TOMM40: variants seen among roughly 807,000 people sequenced by gnomAD.
TOMM40 encodes the protein mitochondrial import receptor subunit TOM40 homolog.
Under a neutral mutation model 38.4 loss-of-function variants are expected in TOMM40, and 9 were observed. The ratio of observed to expected loss-of-function variants is 0.23; its 90% CI spans 0.14 to 0.41. TOMM40 has a LOEUF of 0.41. Among genes scored for constraint, TOMM40 ranks in the 10% least tolerant of loss-of-function variants. The probability of loss-of-function intolerance (pLI) is 1.00; values close to 1 mark genes in which losing one functional copy is unlikely to be tolerated. For synonymous variants in TOMM40, 184 were observed against 210.0 expected (o/e 0.88, Z 1.07); for missense variants, 299 against 486.5 (o/e 0.61, Z 3.63).
chr19:44,891,764 G>A, intron 1 of TOMM40, 75 bp downstream of exon 1: 3 of 1,324,398 alleles, frequency 2.3e-6, no homozygotes, highest in Middle Eastern at 2.8e-4. Flanking sequence ...TGGGGACTCT[G>A]GGATTTGGCG....
chr19:44,892,764 G>A, intron 2 of TOMM40, 73 bp from the exon 3 acceptor site: 2 of 1,282,896 alleles, frequency 1.6e-6, no homozygotes, highest in Non-Finnish European at 1.1e-6. Flanking sequence ...CCAGCCCAGA[G>A]ACCTTGTCCT....
chr19:44,900,871 T>C lies in TOMM40; in HGVS notation c.766+19T>C. ...TACACATGTGAGCCTGGCGCCTGGG[T>C]CCGAGGGTGGAGGGGCTGGGCCCCT... On this transcript the variant is annotated intron_variant, in intron 6 of 8. Coordinates refer to ENST00000426677, the MANE Select transcript of TOMM40 (RefSeq NM_001128917.2). 2 of 1,613,008 alleles carry C rather than the reference T, an allele frequency of 1.2e-6. No individual in the cohort carries two copies. Among genetic ancestry groups the C allele is most frequent in the Non-Finnish European group, 1.7e-6 (2 of 1,179,450 alleles).
chr19:44,897,226 C>CT (rs747645073), intron 5 of TOMM40, among the ~76,000 whole-genome samples: 3 of 151,528 alleles, frequency 2.0e-5, no homozygotes, highest in Non-Finnish European at 4.4e-5. Flanking sequence ...GGTAGAGAAA[C>CT]TGGGGGGGTG....
chr19:44,894,408 T>A (rs1969527578), intron 5 of TOMM40, among the ~76,000 whole-genome samples: 1 of 151,994 alleles, frequency 6.6e-6, no homozygotes, highest in Non-Finnish European at 1.5e-5. Flanking sequence ...ATTACAGGCA[T>A]GCGCTACCAC....
intron 2 of TOMM40, 61 bp downstream of exon 2, chr19:44,892,521 C>T (rs12611167): frequency 4.0e-6 from 6 of 1,504,606 alleles, no homozygotes; most frequent in Non-Finnish European, 5.5e-6. Flanking sequence ...CTCCCTGCAT[C>T]TGCACACTCG....
intron 5 of TOMM40, among the ~76,000 whole-genome samples, chr19:44,894,468 G>A (rs1969529143): frequency 6.6e-6 from 1 of 152,018 alleles, no homozygotes; most frequent in African/African-American, 2.4e-5. Flanking sequence ...CACCACATTG[G>A]TCAGGCTGGT....
intron 8 of TOMM40, chr19:44,901,643 G>T (rs1489024224): frequency 2.2e-6 from 1 of 455,820 alleles, no homozygotes; most frequent in East Asian, 3.7e-5. Flanking sequence ...AGGCTGAGGC[G>T]GGAAAATGGT....
At chr19:44,901,177 T>TCACCCGG in intron 7 of TOMM40, 31 bp from the exon 8 acceptor site, 1 of 1,613,920 alleles carries the variant, frequency 6.2e-7, no homozygotes, top group South Asian at 1.1e-5. Context: ...GGCCACTTGC[T>TCACCCGG]AATTCTCATG....
chr19:44,891,564 C>G lies in TOMM40; in HGVS notation c.149C>G (p.Thr50Arg). 1.4e-6 allele frequency: 2 copies of G among 1,441,298 alleles called. No homozygotes were observed. The allele number at this position is 1,441,298 out of a possible 1,614,324, so 89.3% of individuals were successfully genotyped here. A position where few individuals can be genotyped will look rare whatever the true frequency, so the allele number is the denominator to read the frequency against. The change falls in exon 1 of 9, where the codon ACG (threonine) becomes AGG (arginine). Residue 50 changes from threonine to arginine, a missense_variant. Transcript: ENST00000426677. ...GGCAGCCTGGGCGCCGGCACCAGTA[C>G]GAGTCGAAGTTCGGAACGGACCCCC... is the stretch of plus-strand genomic sequence containing the variant. ...LGGSLGAGTS[T>R]SRSSERTPGA...
rs1434731720 is a variant in TOMM40 at position 44,892,423 on chromosome 19, A to C, written c.305A>C (p.Lys102Thr). 1 of 1,613,450 alleles carries C rather than the reference A, an allele frequency of 6.2e-7. No homozygotes were observed. Among genetic ancestry groups the C allele is most frequent in the Non-Finnish European group, 8.5e-7 (1 of 1,180,026 alleles). The change falls in exon 2 of 9, where the codon AAG becomes ACG. Residue 102 changes from lysine to threonine, a missense_variant. Coordinates refer to ENST00000426677, the MANE Select transcript of TOMM40 (RefSeq NM_001128917.2). Reference protein sequence around the residue: ...ELFPIQMEGVKLTVNKGLSNH... With the variant: ...ELFPIQMEGVTLTVNKGLSNH... ...TTTCCCATTCAGATGGAGGGTGTCA[A>C]GCTCACAGTCAACAAAGGGTTGAGT...
At chr19:44,894,261 CTT>C (rs35647923) in intron 5 of TOMM40, among the ~76,000 whole-genome samples, 195 bp downstream of exon 5, 5 of 133,644 alleles carry the variant, frequency 3.7e-5, no homozygotes, top group Admixed American at 7.4e-5. Flanking sequence ...TCAGAGCAGT[CTT>C]TTTTTTTTTT....
chr19:44,901,584 A>C, intron 8 of TOMM40: 1 of 781,294 alleles, frequency 1.3e-6, no homozygotes, highest in Non-Finnish European at 1.9e-6. Flanking sequence ...AAAATACAAA[A>C]ACAAAATTAG....
chr19:44,901,478 C>A, intron 8 of TOMM40, 168 bp downstream of exon 8: 1 of 1,459,742 alleles, frequency 6.9e-7, no homozygotes, highest in Non-Finnish European at 9.0e-7. Flanking sequence ...TGCGGTGGCT[C>A]ACGCCTGTAA....
In TOMM40 at chr19:44,901,097, G is replaced by A. The variant is rs1168020676; in HGVS notation, c.836G>A (p.Ser279Asn). 1 of 1,614,272 alleles carries A rather than the reference G, an allele frequency of 6.2e-7. No individual in the cohort carries two copies. Residue 279 changes from serine to asparagine, a missense_variant, in exon 7 of 9, where the codon AGT (serine) becomes AAT (asparagine). Physicochemically the swap from Ser to Asn is conservative, Grantham distance 46. Coordinates refer to ENST00000426677, the MANE Select transcript of TOMM40 (RefSeq NM_001128917.2). ...CACGCAACATACTACCACAAAGCCA[G>A]TGACCAGGTGAGTGGGTGCAGGGAC... ...GMHATYYHKA[S>N]DQLQVGVEFE...
At chr19:44,893,660 C>A in intron 3 of TOMM40, 120 bp from the exon 4 acceptor site, 1 of 770,072 alleles carries the variant, frequency 1.3e-6, no homozygotes, top group Non-Finnish European at 2.1e-6. Context: ...TCAGAGAGCA[C>A]TTCGTGGAGG....
In TOMM40 at chr19:44,894,209, A is replaced by G. The variant is rs370754697; in HGVS notation, c.643+143A>G. 7.9e-5 allele frequency: 43 copies of G among 544,938 alleles called. No individual in the cohort carries two copies. The African/African-American group carries it at 7.9e-4, about 10-fold the overall frequency. 33.8% of individuals were successfully genotyped at this position (544,938 alleles called of 1,614,324 possible). A position where few individuals can be genotyped will look rare whatever the true frequency, so the allele number is the denominator to read the frequency against. ...ATTTTGAAACATCAGGCAACATACT[A>G]CAGTGGGTGAGACGGTCACCCACTG... On this transcript the variant is annotated intron_variant, in intron 5 of 8. Transcript: ENST00000426677.
chr19:44,896,010 A>G (rs927312808), intron 5 of TOMM40, among the ~76,000 whole-genome samples: 2 of 152,068 alleles, frequency 1.3e-5, no homozygotes, highest in South Asian at 4.1e-4. Context: ...CATTGTCCCC[A>G]TCTTGCAAGG....
At chr19:44,896,147 TG>T (rs112100106) in intron 5 of TOMM40, among the ~76,000 whole-genome samples, 2 of 152,282 alleles carry the variant, frequency 1.3e-5, no homozygotes, top group African/African-American at 4.8e-5. Flanking sequence ...TCCCCAGCAC[TG>T]GCCTCCTGGA....
intron 5 of TOMM40, among the ~76,000 whole-genome samples, chr19:44,897,175 G>A (rs930528614): frequency 2.0e-5 from 3 of 152,196 alleles, no homozygotes; most frequent in Admixed American, 6.5e-5. Flanking sequence ...TGTCTGTGAG[G>A]TCACTTGAAG....
Sources: allele counts gnomAD v4.1 joint callset (sites outside exome capture counted in the v4.1 genomes callset), GRCh38; gene constraint gnomAD v4.1.1; transcripts MANE v1.5; gene names NCBI Gene and HGNC (gene_info 2026-07-23, HGNC 2026-07-21).